BACH2: variants seen among roughly 807,000 people sequenced by gnomAD.
BACH2 encodes transcription regulator protein BACH2.
BACH2 carries 5 observed loss-of-function variants against 61.8 expected under a neutral mutation model. The ratio of observed to expected loss-of-function variants is 0.08; its 90% CI spans 0.04 to 0.17. BACH2 has a LOEUF of 0.17. BACH2 is among the 10% of genes least tolerant of loss of function. The pLI is 1.00. For synonymous variants in BACH2, 446 were observed against 440.1 expected (o/e 1.01, Z -0.17); for missense variants, 824 against 1,091.1 (o/e 0.76, Z 3.45).
At chr6:89,953,370 A>G (rs1774241239) in intron 6 of BACH2, among the ~76,000 whole-genome samples, 1 of 152,216 alleles carries the variant, frequency 6.6e-6, no homozygotes, top group African/African-American at 2.4e-5. Context: ...TTTCTTAGAC[A>G]TGTAACTGAA....
chr6:90,110,720 T>C (rs1783129750), intron 4 of BACH2, among the ~76,000 whole-genome samples: 1 of 152,214 alleles, frequency 6.6e-6, no homozygotes, highest in Non-Finnish European at 1.5e-5. Flanking sequence ...AATACCCAAA[T>C]TGGAGTAACT....
At chr6:89,976,409 C>T (rs1385820828) in intron 6 of BACH2, among the ~76,000 whole-genome samples, 2 of 152,236 alleles carry the variant, frequency 1.3e-5, no homozygotes, top group African/African-American at 4.8e-5. Context: ...GCTCTCATTA[C>T]AGTGGGCTAC....
At chr6:89,991,947 C>A (rs1056721112) in intron 6 of BACH2, among the ~76,000 whole-genome samples, 1 of 152,084 alleles carries the variant, frequency 6.6e-6, no homozygotes, top group Non-Finnish European at 1.5e-5. Flanking sequence ...TTTTAATATA[C>A]GGTGAGTTCA....
intron 5 of BACH2, among the ~76,000 whole-genome samples, chr6:90,077,920 C>A (rs189123520): frequency 6.6e-6 from 1 of 152,216 alleles, no homozygotes; most frequent in Non-Finnish European, 1.5e-5. Context: ...GTTATGTCCA[C>A]AATTATGACT....
intron 6 of BACH2, among the ~76,000 whole-genome samples, chr6:89,976,129 G>A (rs767823398): frequency 5.3e-5 from 8 of 152,154 alleles, no homozygotes; most frequent in East Asian, 1.9e-4. Context: ...AAGATCGCCC[G>A]CTGTTCTGAG....
chr6:90,296,142 C>G (rs900580806), intron 1 of BACH2, among the ~76,000 whole-genome samples: 1 of 151,984 alleles, frequency 6.6e-6, no homozygotes, highest in East Asian at 1.9e-4. Flanking sequence ...CCATGCCTGA[C>G]TTATTACTCT....
intron 4 of BACH2, among the ~76,000 whole-genome samples, chr6:90,151,248 C>T (rs1484085558): frequency 6.6e-6 from 1 of 152,160 alleles, no homozygotes; most frequent in African/African-American, 2.4e-5. Flanking sequence ...GGAATCATTT[C>T]GTGTGTCCCT....
intron 4 of BACH2, among the ~76,000 whole-genome samples, chr6:90,126,666 G>A (rs1479188856): frequency 6.6e-6 from 1 of 152,212 alleles, no homozygotes; most frequent in Non-Finnish European, 1.5e-5. Context: ...TCTAGTCAGT[G>A]TTTGGCAGAT....
rs1772451953 is a variant in BACH2, at chr6:89,928,155, T to G, written c.*4253A>C. 6.6e-6 allele frequency: 1 copy of G among 152,362 alleles called. No individual in the cohort carries two copies. Among genetic ancestry groups the G allele is most frequent in the African/African-American group, 2.4e-5 (1 of 41,466 alleles). The allele number at this position is 152,362 out of a possible 1,614,324, so 9.4% of individuals were successfully genotyped here. A position where few individuals can be genotyped will look rare whatever the true frequency, so the allele number is the denominator to read the frequency against. Reference sequence around the variant, plus strand: ...AACAAAAACAAAAAACACCTTGTTCTTTAGTCTATTTACAGTCATTTGAGG... The same window carrying G: ...AACAAAAACAAAAAACACCTTGTTCGTTAGTCTATTTACAGTCATTTGAGG... On this transcript the variant is annotated 3_prime_UTR_variant, in exon 9 of 9. Coordinates refer to ENST00000257749, the MANE Select transcript of BACH2 (RefSeq NM_021813.4).
chr6:90,277,049 A>C (rs1267143060), intron 1 of BACH2, among the ~76,000 whole-genome samples: 1 of 152,188 alleles, frequency 6.6e-6, no homozygotes, highest in Non-Finnish European at 1.5e-5. Flanking sequence ...AGACACCAAC[A>C]GTTTGAGGTT....
intron 5 of BACH2, among the ~76,000 whole-genome samples, chr6:90,053,165 T>C (rs758124521): frequency 6.6e-6 from 1 of 152,206 alleles, no homozygotes; most frequent in Non-Finnish European, 1.5e-5. Context: ...TTACACAGTA[T>C]TTTAAACCAG....
At chr6:90,024,249 C>T (rs1043299372) in intron 5 of BACH2, among the ~76,000 whole-genome samples, 5 of 152,124 alleles carry the variant, frequency 3.3e-5, no homozygotes, top group African/African-American at 1.2e-4. Context: ...CACAAAGGTC[C>T]TAGGGTGCGC....
rs1272593033 is a variant in BACH2, at chr6:90,008,971, G to A, written c.-12-115C>T. 7.9e-6 allele frequency: 10 copies of A among 1,264,106 alleles called. No individual in the cohort carries two copies. The African/African-American group carries it at 9.0e-5, about 11-fold the overall frequency. 78.3% of individuals were successfully genotyped at this position (1,264,106 alleles called of 1,614,324 possible). A position where few individuals can be genotyped will look rare whatever the true frequency, so the allele number is the denominator to read the frequency against. ...CATGGTTCCTGTGTCCCACTGCCATGAGCATGGCAGGAAGGAGGGGAATTA... is the reference window on the plus strand; with the variant it reads ...CATGGTTCCTGTGTCCCACTGCCATAAGCATGGCAGGAAGGAGGGGAATTA... On this transcript the variant is annotated intron_variant, in intron 5 of 8. Transcript: ENST00000257749. The surrounding 1 kb of genome is among the most constrained non-coding windows in gnomAD (Gnocchi z 4.1).
At chr6:90,265,220 TGAGA>T (rs914647548) in intron 2 of BACH2, among the ~76,000 whole-genome samples, 1 of 152,222 alleles carries the variant, frequency 6.6e-6, no homozygotes, top group Non-Finnish European at 1.5e-5. Context: ...GTTACACAGC[TGAGA>T]GAGAGCATGG....
intron 4 of BACH2, among the ~76,000 whole-genome samples, chr6:90,185,994 T>C (rs1768343174): frequency 1.3e-5 from 2 of 152,242 alleles, no homozygotes; most frequent in Admixed American, 1.3e-4. Context: ...TTTAAAATCA[T>C]AGTGTATTAA....
intron 4 of BACH2, among the ~76,000 whole-genome samples, chr6:90,126,027 C>A (rs1419416623): frequency 6.6e-6 from 1 of 152,108 alleles, no homozygotes; most frequent in Non-Finnish European, 1.5e-5. Flanking sequence ...CAGAGGAAAG[C>A]GTGGAGAGAG....
chr6:90,092,291 A>AAAAAAAAAAAAAAAAAAAATATATAT, intron 4 of BACH2, among the ~76,000 whole-genome samples: 4 of 113,842 alleles, frequency 3.5e-5, no homozygotes, highest in African/African-American at 1.1e-4. Flanking sequence ...AAAAAAAAAA[A>AAAAAAAAAAAAAAAAAAAATATATAT]ATATATATAT....
intron 5 of BACH2, among the ~76,000 whole-genome samples, chr6:90,078,139 A>T (rs942747941): frequency 1.3e-5 from 2 of 152,202 alleles, no homozygotes; most frequent in Non-Finnish European, 2.9e-5. Flanking sequence ...AACAGATGCA[A>T]TATTTTCTGT....
At chr6:90,053,724 C>T (rs1780171205) in intron 5 of BACH2, among the ~76,000 whole-genome samples, 1 of 152,202 alleles carries the variant, frequency 6.6e-6, no homozygotes, top group South Asian at 2.1e-4. Context: ...ATCATTTTCT[C>T]TCAGAACTTT....
Sources: gnomAD v4.1 joint callset for allele counts (sites outside exome capture counted in the v4.1 genomes callset) on GRCh38, gnomAD v4.1.1 for gene constraint, Gnocchi (gnomAD v3.1) non-coding constraint, MANE v1.5 for transcripts, NCBI Gene and HGNC (gene_info 2026-07-23, HGNC 2026-07-21) for gene names.